Variants in CACNB4 observed in about 807,000 individuals in gnomAD.
The protein encoded by CACNB4 is calcium voltage-gated channel auxiliary subunit beta 4.
CACNB4 carries 32 observed loss-of-function variants against 71.2 expected under a neutral mutation model. The ratio of observed to expected loss-of-function variants is 0.45; its 90% CI spans 0.34 to 0.60. CACNB4 has a LOEUF of 0.60. Ranked by LOEUF, CACNB4 falls within the 20% of genes least tolerant of loss-of-function variation. The probability of loss-of-function intolerance (pLI) is 0.01; values close to 1 mark genes in which losing one functional copy is unlikely to be tolerated. For synonymous variants in CACNB4, 231 were observed against 236.9 expected, an observed-to-expected ratio of 0.97 and a Z score of 0.23; for missense variants, 464 against 647.9, an observed-to-expected ratio of 0.72 and a Z score of 3.08.
At chr2:151,883,103 G>A in intron 3 of CACNB4, 148 bp downstream of exon 3, 1 of 730,562 alleles carries the variant, frequency 1.4e-6, no homozygotes, top group Non-Finnish European at 2.3e-6. Context: ...CTCACTTAGA[G>A]GTGAAAGGAT....
At chr2:152,043,079 C>G (rs533594544) in intron 2 of CACNB4, among the ~76,000 whole-genome samples, 27 of 152,272 alleles carry the variant, frequency 1.8e-4, no homozygotes, top group African/African-American at 6.3e-4. Context: ...AAAGGAGGAA[C>G]CTTCAGTTCA....
intron 2 of CACNB4, among the ~76,000 whole-genome samples, chr2:152,031,982 G>T (rs1684308063): frequency 6.6e-6 from 1 of 152,176 alleles, no homozygotes; most frequent in Admixed American, 6.5e-5. Context: ...TCCATCAGGG[G>T]ACAGCAAACT....
intron 2 of CACNB4, among the ~76,000 whole-genome samples, chr2:152,061,459 C>G (rs1579222604): frequency 1.3e-5 from 2 of 152,034 alleles, no homozygotes; most frequent in East Asian, 3.9e-4. Context: ...CTCATGTAAT[C>G]TATCACATTT....
chr2:151,909,451 A>G (rs200995704), intron 2 of CACNB4, among the ~76,000 whole-genome samples: 1 of 5,558 alleles, frequency 1.8e-4, no homozygotes, highest in Non-Finnish European at 2.5e-4. Flanking sequence ...GGAAAAAAAC[A>G]AAAAAAAAAA....
At position 151,842,507 on chromosome 2, in the gene CACNB4, A is replaced by AT. The variant is rs111307319; in HGVS notation, c.1117-420dup. Among the ~76,000 whole-genome samples the AT allele has an allele frequency of 6.7e-3, 1,012 of 150,248 alleles. 13 individuals carry two copies. The highest frequency in any genetic ancestry group is 0.023 in the African/African-American group (948 of 40,982). Reference sequence around the variant, plus strand: ...CACTGCGTCCAGCTAATTTTTTTGTATTTTTTTTAGAAGAGATGGGGTTTC... The same window carrying AT: ...CACTGCGTCCAGCTAATTTTTTTGTATTTTTTTTTAGAAGAGATGGGGTTTC... On this transcript the variant is annotated intron_variant, in intron 12 of 13. Transcript: ENST00000539935.
At chr2:151,891,448 T>C (rs1321964673) in intron 2 of CACNB4, among the ~76,000 whole-genome samples, 1 of 152,226 alleles carries the variant, frequency 6.6e-6, no homozygotes, top group Non-Finnish European at 1.5e-5. Flanking sequence ...AGAGGGTAGA[T>C]TCCTTTTGTT....
chr2:151,912,846 G>A (rs1038829792), intron 2 of CACNB4, among the ~76,000 whole-genome samples: 1 of 152,166 alleles, frequency 6.6e-6, no homozygotes, highest in African/African-American at 2.4e-5. Flanking sequence ...ATGAATCTGG[G>A]TGCTCCTGTA....
chr2:152,020,816 A>G (rs549694194), intron 2 of CACNB4, among the ~76,000 whole-genome samples: 17 of 152,214 alleles, frequency 1.1e-4, no homozygotes, highest in Admixed American at 2.0e-4. Flanking sequence ...CACTGCTGGA[A>G]GCAGGCAAAA....
chr2:151,877,064 TA>T (rs1019247249), intron 4 of CACNB4, among the ~76,000 whole-genome samples: 30 of 79,046 alleles, frequency 3.8e-4, no homozygotes, highest in Non-Finnish European at 7.1e-4. Flanking sequence ...GATAGCTATA[TA>T]TACACATAGA....
At chr2:151,873,953 T>G (rs994553228) in intron 5 of CACNB4, 1 of 152,078 alleles carries the variant, frequency 6.6e-6, no homozygotes, top group Non-Finnish European at 1.5e-5. Context: ...CCTGTGACAA[T>G]GAGTGAGTTA....
At chr2:151,883,216 C>T (rs753979629) in intron 3 of CACNB4, 35 bp downstream of exon 3, 38 of 1,612,172 alleles carry the variant, frequency 2.4e-5, no homozygotes, top group Non-Finnish European at 1.8e-5. Context: ...GAGCAACGAC[C>T]CACTTTTGAG....
chr2:151,952,684 G>C (rs1426293847), intron 2 of CACNB4, among the ~76,000 whole-genome samples: 2 of 152,194 alleles, frequency 1.3e-5, no homozygotes, highest in African/African-American at 4.8e-5. Flanking sequence ...AAGGAAACAG[G>C]AGCGAATGCA....
chr2:152,011,768 C>T (rs990093819), intron 2 of CACNB4, among the ~76,000 whole-genome samples: 5 of 152,172 alleles, frequency 3.3e-5, no homozygotes, highest in African/African-American at 1.2e-4. Context: ...CATCCTAATA[C>T]AGTCATGCGC....
chr2:151,860,968 G>A, intron 9 of CACNB4, 148 bp from the exon 10 acceptor site: 1 of 610,416 alleles, frequency 1.6e-6, no homozygotes, highest in South Asian at 2.0e-5. Context: ...TTTTAAACAG[G>A]CTCTGGCTAG....
At chr2:151,915,834 C>T (rs139252502) in intron 2 of CACNB4, among the ~76,000 whole-genome samples, 2,759 of 118,434 alleles carry the variant, frequency 0.023, 82 homozygotes, top group African/African-American at 0.085. Context: ...GCAACAAGAG[C>T]GAAGCTCCAT....
At chr2:152,067,651 A>G (rs893111466) in intron 2 of CACNB4, among the ~76,000 whole-genome samples, 6 of 152,236 alleles carry the variant, frequency 3.9e-5, no homozygotes, top group South Asian at 2.1e-4. Flanking sequence ...GACTTGAGCT[A>G]TAAAGGCAAG....
intron 2 of CACNB4, among the ~76,000 whole-genome samples, chr2:151,962,153 C>T (rs1171921754): frequency 6.6e-6 from 1 of 152,170 alleles, no homozygotes; most frequent in Non-Finnish European, 1.5e-5. Flanking sequence ...CTGGCTTCCT[C>T]CTTGTGGGAT....
At chr2:151,845,484 A>C (rs2099837325) in intron 12 of CACNB4, among the ~76,000 whole-genome samples, 1 of 152,248 alleles carries the variant, frequency 6.6e-6, no homozygotes, top group Admixed American at 6.5e-5. Context: ...TATCAGGGAA[A>C]ACAATTTTTA....
intron 10 of CACNB4, chr2:151,856,940 A>T (rs1389415389): frequency 6.6e-6 from 1 of 152,164 alleles, no homozygotes; most frequent in African/African-American, 2.4e-5. Flanking sequence ...CTTGAACTCC[A>T]AAGTCCAAGC....
Sources: allele counts gnomAD v4.1 joint callset (sites outside exome capture counted in the v4.1 genomes callset), GRCh38; gene constraint gnomAD v4.1.1; transcripts MANE v1.5; gene names NCBI Gene and HGNC (gene_info 2026-07-23, HGNC 2026-07-21).